MACF1: variants seen among roughly 807,000 people sequenced by gnomAD.
MACF1 encodes the protein microtubule actin crosslinking factor 1, also known as microtubule-actin cross-linking factor 1.
A neutral mutation model predicts 854.8 loss-of-function variants in MACF1; 193 were observed. The ratio of observed to expected loss-of-function variants is 0.23; its 90% CI spans 0.20 to 0.25. The LOEUF (loss-of-function observed/expected upper bound fraction) is 0.25, where lower values mean the gene tolerates loss of function less well. MACF1 is among the 10% of genes least tolerant of loss of function. The pLI is 1.00. For missense variants in MACF1, 7,722 were observed against 8,929.1 expected, an observed-to-expected ratio of 0.86 and a Z score of 5.45; for synonymous variants, 3,185 against 3,226.7, an observed-to-expected ratio of 0.99 and a Z score of 0.44.
At chr1:39,244,277 G>T (rs1644957660) in intron 2 of MACF1, among the ~76,000 whole-genome samples, 1 of 151,176 alleles carries the variant, frequency 6.6e-6, no homozygotes, top group Non-Finnish European at 1.5e-5. Context: ...GCTAATTTTT[G>T]TATTTTTATT....
At position 39,450,885 on chromosome 1, in the gene MACF1, A is replaced by G. The variant is rs183356529; in HGVS notation, c.20259-167A>G. Among the ~76,000 whole-genome samples the G allele has an allele frequency of 1.4e-3, 219 of 152,216 alleles. 1 individual carries two copies. Among genetic ancestry groups the G allele is most frequent in the African/African-American group, 4.7e-3 (195 of 41,540 alleles). On this transcript the variant is annotated intron_variant, in intron 84 of 100. Coordinates refer to ENST00000564288, the MANE Select transcript of MACF1 (RefSeq NM_001394062.1). ...CTCGGCCTCCCAAAGTGCTGGGATT[A>G]CAGGTGTGAGCCACCGCGCCCGGCC...
chr1:39,452,076 A>T, intron 85 of MACF1, 80 bp from the exon 86 acceptor site: 1 of 1,264,738 alleles, frequency 7.9e-7, no homozygotes, highest in Non-Finnish European at 1.1e-6. Context: ...AGAACCTACC[A>T]AGAAAATTAT....
At chr1:39,360,008 AAAAAATATATATATATATATATATAT>A (rs1362376199) in intron 47 of MACF1, among the ~76,000 whole-genome samples, 6 of 51,586 alleles carry the variant, frequency 1.2e-4, no homozygotes, top group Non-Finnish European at 1.8e-4. Flanking sequence ...AAAAAAAAAA[AAAAAATATATATATATATATATATAT>A]ATATATATAT....
chr1:39,300,905 T>C (rs1646026346), intron 22 of MACF1, among the ~76,000 whole-genome samples: 1 of 151,936 alleles, frequency 6.6e-6, no homozygotes, highest in African/African-American at 2.4e-5. Flanking sequence ...CTTGCAGCTA[T>C]AGTCTACTCG....
chr1:39,405,732 T>TA (rs2148600791), intron 58 of MACF1, among the ~76,000 whole-genome samples: 1 of 152,348 alleles, frequency 6.6e-6, no homozygotes, highest in South Asian at 2.1e-4. Flanking sequence ...TTGAACTCTG[T>TA]AATCAATTAA....
intron 1 of MACF1, among the ~76,000 whole-genome samples, chr1:39,209,095 A>T (rs1390909703): frequency 6.6e-6 from 1 of 151,990 alleles, no homozygotes; most frequent in African/African-American, 2.4e-5. Flanking sequence ...CTACTAAAAA[A>T]TACAAAATTA....
rs1224820760 is a variant in MACF1, at chr1:39,485,412, CTG to C, written c.22412-125_22412-124del. ...AGCAACTTCTGTATGGATGAGGAAA[CTG>C]GGGTGCAGAAAGGCTGTGAGATTTG... On this transcript the variant is annotated intron_variant, in intron 100 of 100. Coordinates refer to ENST00000564288, the MANE Select transcript of MACF1 (RefSeq NM_001394062.1). The C allele has an allele frequency of 8.1e-6, 9 of 1,114,578 alleles. No homozygotes were observed. The East Asian group carries it at 1.6e-4, about 20-fold the overall frequency. 69.0% of individuals were successfully genotyped at this position (1,114,578 alleles called of 1,614,324 possible).
chr1:39,466,204 A>G (rs1644664502), intron 95 of MACF1, among the ~76,000 whole-genome samples: 1 of 152,202 alleles, frequency 6.6e-6, no homozygotes, highest in African/African-American at 2.4e-5. Flanking sequence ...AAAGGTGGAA[A>G]CAACAGTTAC....
At chr1:39,244,340 G>A (rs1207933978) in intron 2 of MACF1, among the ~76,000 whole-genome samples, 4 of 152,072 alleles carry the variant, frequency 2.6e-5, no homozygotes, top group Admixed American at 1.3e-4. Context: ...GGAGTGCAGT[G>A]TCGTGATCTC....
intron 2 of MACF1, among the ~76,000 whole-genome samples, chr1:39,165,260 C>G (rs1643870865): frequency 6.6e-6 from 1 of 152,176 alleles, no homozygotes; most frequent in South Asian, 2.1e-4. Context: ...AAGGGCGATT[C>G]TCTCCACTGC....
intron 69 of MACF1, 34 bp from the exon 70 acceptor site, chr1:39,435,524 G>A (rs1336764962): frequency 2.0e-6 from 3 of 1,523,424 alleles, no homozygotes; most frequent in Non-Finnish European, 9.1e-7. Context: ...TGGTATAAAA[G>A]TACTCATTAT....
At chr1:39,281,041 C>T (rs140924189) in intron 6 of MACF1, among the ~76,000 whole-genome samples, 4 of 152,264 alleles carry the variant, frequency 2.6e-5, no homozygotes, top group African/African-American at 7.2e-5. Flanking sequence ...TGTGTAATCT[C>T]GCTGATTATC....
intron 2 of MACF1, among the ~76,000 whole-genome samples, chr1:39,114,541 TG>T (rs1335630290): frequency 2.1e-4 from 32 of 151,846 alleles, no homozygotes; most frequent in Non-Finnish European, 2.1e-4. Flanking sequence ...CAGTGAGCTA[TG>T]ATCACGCCAT....
chr1:39,315,524 G>A lies in MACF1; in HGVS notation c.3282G>A (p.Glu1094=), dbSNP rs751909972. ...LRIAEQEHTQ[E]DLQQLRSDLD... is the part of the protein sequence containing the mutation. Reference sequence around the variant, plus strand: ...CTTGTTCCTGGCAGCACACCCAGGAGGATTTACAGCAATTGAGGTCAGACT... The same window carrying A: ...CTTGTTCCTGGCAGCACACCCAGGAAGATTTACAGCAATTGAGGTCAGACT... Residue 1094 remains glutamate (E), a synonymous_variant, in exon 27 of 101, where the codon GAG becomes GAA. Coordinates refer to ENST00000564288, the MANE Select transcript of MACF1 (RefSeq NM_001394062.1). 9 of 1,614,032 alleles carry A rather than the reference G, an allele frequency of 5.6e-6. No individual in the cohort carries two copies. The Admixed American group carries it at 8.3e-5, about 15-fold the overall frequency.
chr1:39,091,042 A>T (rs1285308272), intron 2 of MACF1, among the ~76,000 whole-genome samples: 1 of 152,136 alleles, frequency 6.6e-6, no homozygotes, highest in East Asian at 1.9e-4. Context: ...CCCTTGCTGG[A>T]ATCTCTGCCT....
chr1:39,325,510 T>C (rs1041941246), intron 35 of MACF1, among the ~76,000 whole-genome samples: 10 of 152,198 alleles, frequency 6.6e-5, no homozygotes, highest in African/African-American at 2.4e-4. Flanking sequence ...ATGAAATATA[T>C]GGTCAAGAAG....
chr1:39,252,060 T>G (rs1645045857), intron 4 of MACF1, 119 bp downstream of exon 4: 1 of 559,638 alleles, frequency 1.8e-6, no homozygotes, highest in South Asian at 6.9e-5. Flanking sequence ...CCTTCTCATT[T>G]CAACTGGGAA....
rs752417043 is a variant in MACF1 at position 39,440,076 on chromosome 1, T to TTTTTCTTTTC, written c.18447+606_18447+615dup. ...TACTTTTTTCTAGTTTTTGGTGCTA[T>TTTTTCTTTTC]TTTTCTTTTCTTTTCTTTTCTTTTC... On this transcript the variant is annotated intron_variant, in intron 72 of 100. Coordinates refer to ENST00000564288, the MANE Select transcript of MACF1 (RefSeq NM_001394062.1). 2.6e-3 allele frequency among the ~76,000 whole-genome samples: 327 copies of TTTTTCTTTTC among 127,736 alleles called. 15 individuals carry two copies. The highest frequency in any genetic ancestry group is 9.8e-3 in the African/African-American group (296 of 30,062). The allele number at this position is 127,736 out of a possible 152,430, so 83.8% of individuals were successfully genotyped here.
At chr1:39,375,652 G>C (rs904458677) in intron 52 of MACF1, among the ~76,000 whole-genome samples, 2 of 152,122 alleles carry the variant, frequency 1.3e-5, no homozygotes, top group African/African-American at 4.8e-5. Flanking sequence ...CAGAAAATAT[G>C]GTTCACACAG....
Sources: allele counts gnomAD v4.1 joint callset (sites outside exome capture counted in the v4.1 genomes callset), GRCh38; gene constraint gnomAD v4.1.1; transcripts MANE v1.5; gene names NCBI Gene and HGNC (gene_info 2026-07-23, HGNC 2026-07-21).